FXYD7: variants seen among roughly 807,000 people sequenced by gnomAD.
FXYD7 encodes the protein FXYD domain containing ion transport regulator 7.
Under a neutral mutation model 15.3 loss-of-function variants are expected in FXYD7, and 7 were observed. The observed-to-expected ratio is 0.46, with a 90% CI of 0.26 to 0.86. The LOEUF is 0.86. Among genes scored for constraint, FXYD7 ranks in the 40% least tolerant of loss-of-function variants. The probability of loss-of-function intolerance (pLI) is 0.16; values close to 1 mark genes in which losing one functional copy is unlikely to be tolerated. For missense variants in FXYD7, 78 were observed against 100.6 expected (o/e 0.78, Z 0.96); for synonymous variants, 39 against 39.3 (o/e 0.99, Z 0.03).
At chr19:35,149,103 C>G (rs1248222053) in intron 2 of FXYD7, 1 of 468,836 alleles carries the variant, frequency 2.1e-6, no homozygotes, top group Non-Finnish European at 4.2e-6. Flanking sequence ...TCTCTGGGCC[C>G]TTCTGTAAAC....
In FXYD7 at chr19:35,150,325, G is replaced by A. The variant is rs994949299; in HGVS notation, c.62-929G>A. The stretch of plus-strand genomic sequence containing the variant: ...GCAGGGACAATCTCTTGGAGCCCAA[G>A]AGGTAGAGGCTGCAGTGAGCCATGA... On this transcript the variant is annotated intron_variant, in intron 2 of 5. Transcript: ENST00000270310. Among the ~76,000 whole-genome samples the A allele has an allele frequency of 1.8e-4, 28 of 152,246 alleles. 1 individual carries two copies. The highest frequency in any genetic ancestry group is 6.7e-4 in the African/African-American group (28 of 41,542).
Position 35,146,595 on chromosome 19 carries a change from G to A in FXYD7, c.32-2099G>A, listed in dbSNP as rs552240181. Reference sequence around the variant, plus strand: ...TGCTATGAAGATTAAGAGTAAATGCGCTGATATCTGTCAGATGCTTAGCAG... The same window carrying A: ...TGCTATGAAGATTAAGAGTAAATGCACTGATATCTGTCAGATGCTTAGCAG... On this transcript the variant is annotated intron_variant, in intron 1 of 5. Coordinates refer to ENST00000270310, the MANE Select transcript of FXYD7 (RefSeq NM_022006.2). Among the ~76,000 whole-genome samples the A allele has an allele frequency of 3.9e-5, 6 of 152,318 alleles. No homozygotes were observed. In the South Asian group the frequency reaches 1.0e-3, roughly 26 times the overall value.
intron 1 of FXYD7, among the ~76,000 whole-genome samples, chr19:35,146,713 T>G (rs918731111): frequency 5.9e-5 from 9 of 152,184 alleles, no homozygotes; most frequent in Non-Finnish European, 1.0e-4. Flanking sequence ...TGCCTAGATT[T>G]TATTGCCTGC....
At chr19:35,150,469 G>C (rs1192003510) in intron 2 of FXYD7, among the ~76,000 whole-genome samples, 1 of 152,200 alleles carries the variant, frequency 6.6e-6, no homozygotes, top group African/African-American at 2.4e-5. Context: ...GTAAAATAAA[G>C]AAGGGAATGA....
At position 35,153,757 on chromosome 19, in the gene FXYD7, G is replaced by A. The variant is rs554774267; in HGVS notation, c.221-137G>A. On this transcript the variant is annotated intron_variant, in intron 5 of 5. Transcript: ENST00000270310. ...ACATTAGAGTGTGGGAGGCAAGACA[G>A]CTCCTCAGTGTTAGCTCTGGGGTGA... is the stretch of plus-strand genomic sequence containing the variant. 5.2e-4 allele frequency: 383 copies of A among 741,920 alleles called. 5 individuals are homozygous for A. The South Asian group carries it at 5.6e-3, about 11-fold the overall frequency. 46.0% of individuals were successfully genotyped at this position (741,920 alleles called of 1,614,324 possible). A position where few individuals can be genotyped will look rare whatever the true frequency, so the allele number is the denominator to read the frequency against.
Position 35,144,260 on chromosome 19 carries a change from G to A in FXYD7, c.31+896G>A, listed in dbSNP as rs548038711. 6.6e-5 allele frequency among the ~76,000 whole-genome samples: 10 copies of A among 152,230 alleles called. No homozygotes were observed. The South Asian group carries it at 2.1e-3, about 32-fold the overall frequency. On this transcript the variant is annotated intron_variant, in intron 1 of 5. Transcript: ENST00000270310. ...GATGGGACCCTCCTTCCAGCCCACA[G>A]CAGGGGTGTTTTCCAATCCCAGAGG...
intron 5 of FXYD7, among the ~76,000 whole-genome samples, chr19:35,152,509 G>A (rs1003657106): frequency 1.3e-5 from 2 of 152,102 alleles, no homozygotes; most frequent in East Asian, 3.8e-4. Flanking sequence ...CTGAATAGTT[G>A]CATCAAAATA....
Position 35,154,105 on chromosome 19 carries a change from G to A in FXYD7, c.*189G>A, listed in dbSNP as rs1600495866. On this transcript the variant is annotated 3_prime_UTR_variant, in exon 6 of 6. Coordinates refer to ENST00000270310, the MANE Select transcript of FXYD7 (RefSeq NM_022006.2). ...GCCTTGGCAATGACGATCCCCCAAA[G>A]AGCCCGTCTGCACCCCAGACCCAGG... 6 of 568,738 alleles carry A rather than the reference G, an allele frequency of 1.1e-5. No individual in the cohort carries two copies. The highest frequency in any genetic ancestry group is 9.2e-4 in the Middle Eastern group (2 of 2,182). The allele number at this position is 568,738 out of a possible 1,614,324, so 35.2% of individuals were successfully genotyped here.
At position 35,151,288 on chromosome 19, in the gene FXYD7, G is replaced by A. The variant is rs1328920353; in HGVS notation, c.96G>A (p.Leu32=). Residue 32 remains leucine, a synonymous_variant, in exon 3 of 6, where the codon CTG becomes CTA. Transcript: ENST00000270310. The part of the protein sequence containing the change: ...YNTVQTVGMT[L]ATILFLLGIL... ...CGGTGCAGACTGTGGGCATGACTCT[G>A]GCAACCATCTTGTTCCTGCTGGGTA... The A allele has an allele frequency of 6.2e-7, 1 of 1,610,558 alleles. No homozygotes were observed.
chr19:35,143,314 G>A lies in FXYD7; in HGVS notation c.-20G>A. On this transcript the variant is annotated 5_prime_UTR_variant, in exon 1 of 6. Transcript: ENST00000270310. The surrounding 1 kb of genome is among the most constrained non-coding windows in gnomAD (Gnocchi z 4.3). Reference sequence around the variant, plus strand: ...GCCTTCGCCGCCAAAGCATCCAGCAGCCCCCTGCTCCGGCCCAGCATGGCG... The same window carrying A: ...GCCTTCGCCGCCAAAGCATCCAGCAACCCCCTGCTCCGGCCCAGCATGGCG... 1 of 1,538,322 alleles carries A rather than the reference G, an allele frequency of 6.5e-7. No individual in the cohort carries two copies. Among genetic ancestry groups the A allele is most frequent in the Admixed American group, 2.0e-5 (1 of 50,252 alleles).
intron 1 of FXYD7, among the ~76,000 whole-genome samples, chr19:35,148,110 A>G (rs1480223350): frequency 7.4e-6 from 1 of 135,386 alleles, no homozygotes; most frequent in Admixed American, 7.5e-5. Flanking sequence ...AGAGAAAGAA[A>G]GAGGGGAGGG....
At chr19:35,149,047 C>G in intron 2 of FXYD7, 2 of 524,214 alleles carry the variant, frequency 3.8e-6, no homozygotes, top group Non-Finnish European at 3.7e-6. Context: ...TTGAATCCTG[C>G]CTTATCCACT....
intron 1 of FXYD7, among the ~76,000 whole-genome samples, chr19:35,148,064 AAAG>A (rs2065296127): frequency 6.8e-6 from 1 of 147,446 alleles, no homozygotes; most frequent in Non-Finnish European, 1.5e-5. Flanking sequence ...AGAAAGAAAG[AAAG>A]AAAGAAAGAA....
chr19:35,153,774 C>G, intron 5 of FXYD7, 120 bp from the exon 6 acceptor site: 1 of 879,082 alleles, frequency 1.1e-6, no homozygotes. Flanking sequence ...AGTGTTAGCT[C>G]TGGGGTGACA....
chr19:35,152,348 G>A (rs1276733454), intron 5 of FXYD7, among the ~76,000 whole-genome samples: 1 of 151,810 alleles, frequency 6.6e-6, no homozygotes, highest in Non-Finnish European at 1.5e-5. Flanking sequence ...GAAGAGAAGG[G>A]CCCCATGTGG....
Position 35,152,134 on chromosome 19 carries a change from C to CAAAAA in FXYD7, c.220+478_220+482dup, listed in dbSNP as rs71167517. Among the ~76,000 whole-genome samples, 424 of 45,090 alleles carry CAAAAA rather than the reference C, an allele frequency of 9.4e-3. 14 individuals carry two copies. The highest frequency in any genetic ancestry group is 0.034 in the Middle Eastern group (2 of 58). 29.6% of individuals were successfully genotyped at this position (45,090 alleles called of 152,430 possible). A position where few individuals can be genotyped will look rare whatever the true frequency, so the allele number is the denominator to read the frequency against. On this transcript the variant is annotated intron_variant, in intron 5 of 5. Transcript: ENST00000270310. ...AGCCTGGGTGATAGAGTGAGACTGT[C>CAAAAA]AAAAAAAAAAAAAAAAAAAAAGAGG...
At chr19:35,144,670 A>G (rs1381780332) in intron 1 of FXYD7, among the ~76,000 whole-genome samples, 1 of 149,008 alleles carries the variant, frequency 6.7e-6, no homozygotes, top group Admixed American at 6.6e-5. Context: ...CAGAGGCTGG[A>G]AGCTACCCTA....
At chr19:35,148,652 G>GTTTTTT in intron 1 of FXYD7, 42 bp from the exon 2 acceptor site, 2 of 1,356,804 alleles carry the variant, frequency 1.5e-6, no homozygotes, top group South Asian at 1.5e-5. Flanking sequence ...ACACTGTTAA[G>GTTTTTT]TTTTTTTTTT....
intron 2 of FXYD7, 152 bp downstream of exon 2, chr19:35,148,875 G>C (rs2065299894): frequency 3.9e-6 from 3 of 778,650 alleles, no homozygotes; most frequent in Non-Finnish European, 6.9e-6. Context: ...CATCAGCTGA[G>C]TTCATGGAGG....
Sources: gnomAD v4.1 joint callset for allele counts (sites outside exome capture counted in the v4.1 genomes callset) on GRCh38, gnomAD v4.1.1 for gene constraint, Gnocchi (gnomAD v3.1) non-coding constraint, MANE v1.5 for transcripts, NCBI Gene and HGNC (gene_info 2026-07-23, HGNC 2026-07-21) for gene names.